Variants in MECOM observed in about 807,000 individuals in gnomAD.
MECOM encodes MDS1 and EVI1 complex locus.
In MECOM, 13 loss-of-function variants were observed where a neutral mutation model predicts 116.3. The ratio of observed to expected loss-of-function variants is 0.11; its 90% CI spans 0.07 to 0.18. The LOEUF is 0.18. MECOM is among the 10% of genes least tolerant of loss of function. The pLI, the probability that MECOM is intolerant of heterozygous loss-of-function variation, is 1.00. For synonymous variants in MECOM, 528 were observed against 535.2 expected, an observed-to-expected ratio of 0.99 and a Z score of 0.19; for missense variants, 1,299 against 1,509.0, an observed-to-expected ratio of 0.86 and a Z score of 2.31.
At chr3:169,155,083 A>G (rs1036633889) in intron 2 of MECOM, among the ~76,000 whole-genome samples, 7 of 152,194 alleles carry the variant, frequency 4.6e-5, no homozygotes, top group Admixed American at 4.6e-4. Context: ...ACAGCTTTCC[A>G]TCATAAACTA....
chr3:169,609,103 T>A (rs969997074), intron 1 of MECOM, among the ~76,000 whole-genome samples: 2 of 152,196 alleles, frequency 1.3e-5, no homozygotes, highest in African/African-American at 4.8e-5. Flanking sequence ...ACAAAAGCCA[T>A]ATCTCTTCTG....
At chr3:169,267,559 T>C (rs1758462758) in intron 2 of MECOM, among the ~76,000 whole-genome samples, 1 of 152,034 alleles carries the variant, frequency 6.6e-6, no homozygotes, top group African/African-American at 2.4e-5. Context: ...CAGTAGGTAA[T>C]AAAGTAACCT....
At chr3:169,189,114 A>C (rs1280039583) in intron 2 of MECOM, among the ~76,000 whole-genome samples, 3 of 152,142 alleles carry the variant, frequency 2.0e-5, no homozygotes, top group Non-Finnish European at 4.4e-5. Flanking sequence ...TTAGTACTTC[A>C]GAGCAATGAA....
chr3:169,576,358 G>T (rs1043498652), intron 1 of MECOM, among the ~76,000 whole-genome samples: 1 of 152,118 alleles, frequency 6.6e-6, no homozygotes, highest in African/African-American at 2.4e-5. Flanking sequence ...ATAAAAGGAT[G>T]CTGTGTATGT....
chr3:169,195,574 G>C (rs1382951447), intron 2 of MECOM, among the ~76,000 whole-genome samples: 1 of 152,046 alleles, frequency 6.6e-6, no homozygotes, highest in Non-Finnish European at 1.5e-5. Context: ...TCAGGCCTGT[G>C]TCACTTTATA....
intron 1 of MECOM, among the ~76,000 whole-genome samples, chr3:169,662,389 G>A (rs970266763): frequency 6.6e-6 from 1 of 152,164 alleles, no homozygotes; most frequent in Non-Finnish European, 1.5e-5. Flanking sequence ...GAGGTGCGCG[G>A]GTCGCAGCGC....
intron 2 of MECOM, among the ~76,000 whole-genome samples, chr3:169,185,309 T>C (rs1463804358): frequency 6.6e-6 from 1 of 151,960 alleles, no homozygotes; most frequent in African/African-American, 2.4e-5. Context: ...AAAAGGAGAC[T>C]GAGCAGAATA....
intron 1 of MECOM, among the ~76,000 whole-genome samples, chr3:169,628,939 T>G (rs887957282): frequency 1.3e-5 from 2 of 152,086 alleles, no homozygotes; most frequent in African/African-American, 4.8e-5. Context: ...CACTTTAGGA[T>G]AAACATCCTA....
intron 12 of MECOM, among the ~76,000 whole-genome samples, chr3:169,098,161 G>T (rs1722339957): frequency 6.6e-6 from 1 of 151,916 alleles, no homozygotes; most frequent in Non-Finnish European, 1.5e-5. Context: ...TTAAAACTAG[G>T]AAATTAACAT....
chr3:169,405,678 T>C (rs1327096463), intron 1 of MECOM, among the ~76,000 whole-genome samples: 1 of 152,240 alleles, frequency 6.6e-6, no homozygotes, highest in Non-Finnish European at 1.5e-5. Flanking sequence ...TTTAGTACTT[T>C]CTAATACTTA....
rs577468375 is a variant in MECOM, at chr3:169,310,894, C to T, written c.375+70293G>A. Among the ~76,000 whole-genome samples, 562 of 152,270 alleles carry T rather than the reference C, an allele frequency of 3.7e-3. 3 individuals carry two copies. The highest frequency in any genetic ancestry group is 6.5e-3 in the Non-Finnish European group (442 of 68,012). On this transcript the variant is annotated intron_variant, in intron 2 of 16. Transcript: ENST00000651503. ...TCACAGCCTATGCTTCTTTACATGA[C>T]CTGCAGCCTCTATCCCAGGGTCCTG... is the stretch of plus-strand genomic sequence containing the variant.
intron 1 of MECOM, among the ~76,000 whole-genome samples, chr3:169,534,655 T>C (rs1043103445): frequency 4.0e-5 from 6 of 151,622 alleles, no homozygotes; most frequent in Non-Finnish European, 7.3e-5. Flanking sequence ...ATTTACATAA[T>C]GAGCAAACTC....
At chr3:169,523,976 G>A (rs1435031129) in intron 1 of MECOM, among the ~76,000 whole-genome samples, 4 of 137,026 alleles carry the variant, frequency 2.9e-5, no homozygotes, top group South Asian at 4.6e-4. Flanking sequence ...ATATATACAC[G>A]CACATACACA....
At chr3:169,122,458 C>G (rs1192680031) in intron 6 of MECOM, 122 bp downstream of exon 6, 1 of 1,135,594 alleles carries the variant, frequency 8.8e-7, no homozygotes, top group African/African-American at 1.6e-5. Flanking sequence ...ACTCAGTGTA[C>G]TTTTCTCAAG....
At chr3:169,571,123 G>A (rs1221720442) in intron 1 of MECOM, among the ~76,000 whole-genome samples, 1 of 152,208 alleles carries the variant, frequency 6.6e-6, no homozygotes, top group Non-Finnish European at 1.5e-5. Flanking sequence ...TCCTTAAGCT[G>A]ATAGGCAACT....
rs188244708 is a variant in MECOM, at chr3:169,090,129, T to A, written c.3272A>T (p.Asp1091Val). The change falls in exon 15 of 17, where the codon GAT (aspartate) becomes GTT (valine). Residue 1091 changes from aspartate (D) to valine (V), a missense_variant. Around this residue, in one of 6 missense-constraint regions of MECOM, gnomAD observed 273 missense variants for 289.3 expected, o/e 0.94. Coordinates refer to ENST00000651503, the MANE Select transcript of MECOM (RefSeq NM_004991.4). Reference sequence around the variant, plus strand: ...TTTTCCAGTAATATCATTGTCTTCATCCTCCTCATCTAACAACACCTCATC... The same window carrying A: ...TTTTCCAGTAATATCATTGTCTTCAACCTCCTCATCTAACAACACCTCATC... ...VEDEVLLDEE[D>V]EDNDITGKTG... The A allele has an allele frequency of 1.2e-6, 2 of 1,613,464 alleles. No individual in the cohort carries two copies. The highest frequency in any genetic ancestry group is 1.3e-5 in the African/African-American group (1 of 74,870).
intron 2 of MECOM, among the ~76,000 whole-genome samples, chr3:169,219,443 C>T (rs1751835446): frequency 6.6e-6 from 1 of 152,084 alleles, no homozygotes; most frequent in Admixed American, 6.5e-5. Flanking sequence ...GGAGGCGGAG[C>T]TTGCAGTGAG....
intron 1 of MECOM, among the ~76,000 whole-genome samples, chr3:169,663,095 T>C (rs1346629646): frequency 1.1e-4 from 14 of 128,446 alleles, no homozygotes; most frequent in Admixed American, 1.0e-3. Flanking sequence ...TTGCCACAGC[T>C]GGTCGGTGCG....
intron 2 of MECOM, among the ~76,000 whole-genome samples, chr3:169,348,370 A>C (rs866225332): frequency 6.6e-6 from 1 of 152,058 alleles, no homozygotes; most frequent in Non-Finnish European, 1.5e-5. Flanking sequence ...CTACTGACCC[A>C]GGATCTCCAA....
Sources: allele counts gnomAD v4.1 joint callset (sites outside exome capture counted in the v4.1 genomes callset), GRCh38; gene constraint gnomAD v4.1.1; regional missense constraint gnomAD v4.1.1; transcripts MANE v1.5; gene names NCBI Gene and HGNC (gene_info 2026-07-23, HGNC 2026-07-21).